Variants in NECTIN3 observed in about 807,000 individuals in gnomAD.
NECTIN3 encodes the protein nectin-3.
A neutral mutation model predicts 49.4 loss-of-function variants in NECTIN3; 8 were observed. That is an observed-to-expected ratio of 0.16 (90% confidence interval 0.10 to 0.29). The LOEUF is 0.29. NECTIN3 is among the 10% of genes least tolerant of loss of function. The pLI is 1.00. For missense variants in NECTIN3, 581 were observed against 654.6 expected, an observed-to-expected ratio of 0.89 and a Z score of 1.23; for synonymous variants, 277 against 241.1, an observed-to-expected ratio of 1.15 and a Z score of -1.38.
chr3:111,104,561 C>T (rs2033083021), intron 1 of NECTIN3, among the ~76,000 whole-genome samples: 1 of 152,000 alleles, frequency 6.6e-6, no homozygotes, highest in Admixed American at 6.6e-5. Flanking sequence ...CTCAAACGGT[C>T]CTCCTGCTAT....
chr3:111,175,759 A>G (rs1469773617), intron 7 of NECTIN3, among the ~76,000 whole-genome samples: 2 of 152,138 alleles, frequency 1.3e-5, no homozygotes, highest in African/African-American at 4.8e-5. Context: ...CTGCTTCAGT[A>G]ACAGCCTCTG....
At chr3:111,167,484 A>G (rs763888995) in intron 7 of NECTIN3, among the ~76,000 whole-genome samples, 6 of 152,228 alleles carry the variant, frequency 3.9e-5, no homozygotes, top group African/African-American at 7.2e-5. Context: ...AGTTCCTCTT[A>G]AAAACTGACC....
In NECTIN3 at chr3:111,136,094, G is replaced by T; in HGVS notation, c.*1879G>T. On this transcript the variant is annotated 3_prime_UTR_variant, in exon 6 of 6. Transcript: ENST00000485303. ...AATTTAAACGATGAGGTGGCCAGAAGAAAGATGGGTCTAAAATTTCTCCCC... is the reference window on the plus strand; with the variant it reads ...AATTTAAACGATGAGGTGGCCAGAATAAAGATGGGTCTAAAATTTCTCCCC... The T allele has an allele frequency of 2.0e-6, 2 of 983,868 alleles. No homozygotes were observed. The highest frequency in any genetic ancestry group is 2.4e-6 in the Non-Finnish European group (2 of 828,736). The allele number at this position is 983,868 out of a possible 1,614,324, so 60.9% of individuals were successfully genotyped here. A position where few individuals can be genotyped will look rare whatever the true frequency, so the allele number is the denominator to read the frequency against.
chr3:111,156,491 GATTT>G (rs2035101255), intron 7 of NECTIN3, among the ~76,000 whole-genome samples: 1 of 150,874 alleles, frequency 6.6e-6, no homozygotes, highest in African/African-American at 2.5e-5. Context: ...GGTTTAGAAA[GATTT>G]AAAATGCCAA....
intron 7 of NECTIN3, among the ~76,000 whole-genome samples, chr3:111,181,009 G>T (rs1337811727): frequency 6.6e-6 from 1 of 151,970 alleles, no homozygotes; most frequent in South Asian, 2.1e-4. Flanking sequence ...CATTTTCATA[G>T]CCTTGCCAAA....
rs79006549 is a variant in NECTIN3, at chr3:111,122,207, A to C, written c.886A>C (p.Asn296His). 4,555 of 1,612,538 alleles carry C rather than the reference A, an allele frequency of 2.8e-3. 8 individuals are homozygous for C. The highest frequency in any genetic ancestry group is 3.5e-3 in the Non-Finnish European group (4,092 of 1,178,690). The change falls in exon 4 of 6, where the codon AAT becomes CAT. Residue 296 changes from asparagine (N) to histidine (H), a missense_variant. This residue lies in a region of NECTIN3 where 234 missense variants were observed against 340.6 expected (regional missense o/e 0.69). Transcript: ENST00000485303. The part of the protein sequence containing the change: ...GVNLKCNADA[N>H]PPPFKSVWSR... ...TAATCTCAAATGTAATGCTGATGCA[A>C]ATCCACCACCCTTCAAATCTGTGTG...
At chr3:111,076,689 G>A (rs2031223609) in intron 1 of NECTIN3, among the ~76,000 whole-genome samples, 1 of 151,982 alleles carries the variant, frequency 6.6e-6, no homozygotes, top group African/African-American at 2.4e-5. Context: ...CTGTTGTGAG[G>A]CCAGGCACAG....
chr3:111,103,928 T>C (rs1017080041), intron 1 of NECTIN3, among the ~76,000 whole-genome samples: 1 of 152,186 alleles, frequency 6.6e-6, no homozygotes, highest in Non-Finnish European at 1.5e-5. Flanking sequence ...GACATTTGGA[T>C]TGTTTCTACT....
chr3:111,182,338 A>C (rs2035641605), intron 7 of NECTIN3, among the ~76,000 whole-genome samples: 2 of 152,236 alleles, frequency 1.3e-5, no homozygotes, highest in South Asian at 4.1e-4. Context: ...AATGTCACTT[A>C]GGTCAAGTTG....
chr3:111,085,190 T>C (rs932761860), intron 1 of NECTIN3, among the ~76,000 whole-genome samples: 1 of 152,224 alleles, frequency 6.6e-6, no homozygotes, highest in Non-Finnish European at 1.5e-5. Flanking sequence ...CTTAAATACA[T>C]CTGTGGACAC....
chr3:111,088,359 C>T (rs1389575423), intron 1 of NECTIN3, among the ~76,000 whole-genome samples: 1 of 152,134 alleles, frequency 6.6e-6, no homozygotes, highest in Non-Finnish European at 1.5e-5. Context: ...TAAACTTTTT[C>T]AGGTATCAGA....
intron 1 of NECTIN3, among the ~76,000 whole-genome samples, chr3:111,097,645 A>T (rs1247355966): frequency 6.6e-6 from 1 of 152,144 alleles, no homozygotes; most frequent in Non-Finnish European, 1.5e-5. Context: ...GTCTCACAAG[A>T]TCTGATGGTT....
In NECTIN3 at chr3:111,110,221, A is replaced by G. The variant is rs111292899; in HGVS notation, c.161-1809A>G. Among the ~76,000 whole-genome samples, 485 of 151,832 alleles carry G rather than the reference A, an allele frequency of 3.2e-3. 4 individuals carry two copies. The highest frequency in any genetic ancestry group is 0.011 in the African/African-American group (457 of 41,498). On this transcript the variant is annotated intron_variant, in intron 1 of 5. Coordinates refer to ENST00000485303, the MANE Select transcript of NECTIN3 (RefSeq NM_015480.3). ...TACACTGGATTGAATTTCCAGTCTC[A>G]GTTGAACAATGATAGTGCACCATCT...
rs965147655 is a variant in NECTIN3 at position 111,135,306 on chromosome 3, A to G, written c.*1091A>G. On this transcript the variant is annotated 3_prime_UTR_variant, in exon 6 of 6. Transcript: ENST00000485303. ...GTAACACTTGCTAATGGACATTGGC[A>G]TTCATCTCCTTTTTCCTCCTAAGTG... The G allele has an allele frequency of 4.2e-6, 4 of 958,064 alleles. No individual in the cohort carries two copies. In the South Asian group the frequency reaches 1.9e-4, roughly 46 times the overall value. 59.3% of individuals were successfully genotyped at this position (958,064 alleles called of 1,614,324 possible). A position where few individuals can be genotyped will look rare whatever the true frequency, so the allele number is the denominator to read the frequency against.
chr3:111,089,119 C>T (rs9876350), intron 1 of NECTIN3, among the ~76,000 whole-genome samples: 107,394 of 151,942 alleles, frequency 0.71, 43,619 homozygotes, highest in Non-Finnish European at 0.93. Context: ...CTTTTTAATG[C>T]TTGGAGGATA....
intron 7 of NECTIN3, among the ~76,000 whole-genome samples, chr3:111,163,326 C>T (rs773835039): frequency 6.6e-5 from 10 of 152,182 alleles, no homozygotes; most frequent in Non-Finnish European, 1.5e-4. Context: ...CATAAGATCA[C>T]TTCCACCATA....
intron 7 of NECTIN3, among the ~76,000 whole-genome samples, chr3:111,151,781 G>C (rs1351042019): frequency 6.6e-6 from 1 of 151,836 alleles, no homozygotes; most frequent in Non-Finnish European, 1.5e-5. Context: ...AGTGTTAGTA[G>C]AGAAAGAATG....
intron 7 of NECTIN3, among the ~76,000 whole-genome samples, chr3:111,165,707 A>G (rs2035306249): frequency 6.6e-6 from 1 of 152,190 alleles, no homozygotes. Flanking sequence ...TAACTTGGCT[A>G]CTTTGCATGA....
rs145367169 is a variant in NECTIN3, at chr3:111,089,172, G to A, written c.160+16995G>A. ...TTTTCATTTCTTATGTTAGTATTTT[G>A]TGCCTTTTCTCATTTTCTGGATCAG... On this transcript the variant is annotated intron_variant, in intron 1 of 5. Coordinates refer to ENST00000485303, the MANE Select transcript of NECTIN3 (RefSeq NM_015480.3). Among the ~76,000 whole-genome samples the A allele has an allele frequency of 2.3e-3, 356 of 151,900 alleles. 1 individual carries two copies. Among genetic ancestry groups the A allele is most frequent in the Non-Finnish European group, 4.0e-3 (271 of 67,902 alleles).
Sources: gnomAD v4.1 joint callset for allele counts (sites outside exome capture counted in the v4.1 genomes callset) on GRCh38, gnomAD v4.1.1 for gene constraint, gnomAD v4.1.1 regional missense constraint, MANE v1.5 for transcripts, NCBI Gene and HGNC (gene_info 2026-07-23, HGNC 2026-07-21) for gene names.